DNAJC13: variants seen among roughly 807,000 people sequenced by gnomAD.
The protein encoded by DNAJC13 is DnaJ heat shock protein family (Hsp40) member C13.
Under a neutral mutation model 290.5 loss-of-function variants are expected in DNAJC13, and 75 were observed. That is an observed-to-expected ratio of 0.26 (90% confidence interval 0.21 to 0.31). DNAJC13 has a LOEUF of 0.31. Ranked by LOEUF, DNAJC13 falls within the 10% of genes least tolerant of loss-of-function variation. The pLI, the probability that DNAJC13 is intolerant of heterozygous loss-of-function variation, is 1.00. For synonymous variants in DNAJC13, 862 were observed against 892.0 expected, an observed-to-expected ratio of 0.97 and a Z score of 0.60; for missense variants, 2,260 against 2,674.5, an observed-to-expected ratio of 0.85 and a Z score of 3.42.
At chr3:132,437,208 G>A (rs796524610) in intron 2 of DNAJC13, among the ~76,000 whole-genome samples, 40 of 152,144 alleles carry the variant, frequency 2.6e-4, no homozygotes, top group African/African-American at 9.4e-4. Flanking sequence ...AAATTAGGTT[G>A]TCTTATTACT....
intron 1 of DNAJC13, among the ~76,000 whole-genome samples, chr3:132,425,587 A>T (rs772646581): frequency 1.3e-5 from 2 of 152,186 alleles, no homozygotes; most frequent in Non-Finnish European, 2.9e-5. Flanking sequence ...TAATGAAAGT[A>T]AGTTCCGTTC....
chr3:132,500,986 G>A lies in DNAJC13; in HGVS notation c.4536+73G>A, dbSNP rs1935390266. 7 of 1,510,764 alleles carry A rather than the reference G, an allele frequency of 4.6e-6. No homozygotes were observed. In the East Asian group the frequency reaches 1.6e-4, roughly 35 times the overall value. The allele number at this position is 1,510,764 out of a possible 1,614,324, so 93.6% of individuals were successfully genotyped here. A position where few individuals can be genotyped will look rare whatever the true frequency, so the allele number is the denominator to read the frequency against. On this transcript the variant is annotated intron_variant, in intron 39 of 55. Coordinates refer to ENST00000260818, the MANE Select transcript of DNAJC13 (RefSeq NM_015268.4). The stretch of plus-strand genomic sequence containing the variant: ...TTTTGTCAACTAGCCAGTTCCTAAT[G>A]TATAAGCACATTGTTTTCCCAAAGT...
At chr3:132,463,326 C>A (rs1166195758) in intron 16 of DNAJC13, among the ~76,000 whole-genome samples, 1 of 152,330 alleles carries the variant, frequency 6.6e-6, no homozygotes, top group Admixed American at 6.5e-5. Flanking sequence ...CTCCCTTTAG[C>A]TAATGGGTTC....
chr3:132,446,127 G>GT (rs1345459567), intron 2 of DNAJC13, among the ~76,000 whole-genome samples: 1,800 of 143,260 alleles, frequency 0.013, 23 homozygotes, highest in African/African-American at 0.04. Flanking sequence ...GGTATGCAGT[G>GT]TTTTTTTTTT....
intron 22 of DNAJC13, among the ~76,000 whole-genome samples, chr3:132,476,051 C>G (rs140098085): frequency 2.6e-5 from 4 of 152,156 alleles, no homozygotes; most frequent in Admixed American, 1.3e-4. Flanking sequence ...CTTCCACCTT[C>G]GCCTCCCCAG....
rs755468021 is a variant in DNAJC13, at chr3:132,507,285, G to A, written c.5047G>A (p.Ala1683Thr). Residue 1683 changes from alanine (A) to threonine (T), a missense_variant, in exon 43 of 56, where the codon GCC (alanine) becomes ACC (threonine). Around this residue, in one of 3 missense-constraint regions of DNAJC13, gnomAD observed 1,494 missense variants for 1,693.7 expected, o/e 0.88. Transcript: ENST00000260818. ...YGSEFVYSDHAKELIVGEIFV... is the reference protein window; with the variant it reads ...YGSEFVYSDHTKELIVGEIFV... Reference sequence around the variant, plus strand: ...ATCAGAATTTGTCTACAGTGATCATGCCAAAGAACTTATTGTAGGGGAGAT... The same window carrying A: ...ATCAGAATTTGTCTACAGTGATCATACCAAAGAACTTATTGTAGGGGAGAT... The A allele has an allele frequency of 6.2e-7, 1 of 1,613,574 alleles. No individual in the cohort carries two copies. Among genetic ancestry groups the A allele is most frequent in the Non-Finnish European group, 8.5e-7 (1 of 1,179,616 alleles).
intron 6 of DNAJC13, among the ~76,000 whole-genome samples, chr3:132,452,437 G>A (rs1168433188): frequency 6.6e-6 from 1 of 152,210 alleles, no homozygotes; most frequent in Non-Finnish European, 1.5e-5. Flanking sequence ...ATGTGATCCA[G>A]TGTTTCTCAG....
intron 41 of DNAJC13, 108 bp from the exon 42 acceptor site, chr3:132,505,190 TATAC>T: frequency 3.1e-6 from 2 of 654,550 alleles, no homozygotes; most frequent in African/African-American, 1.9e-5. Context: ...TGAGGTCCAT[TATAC>T]TATAGGCAAC....
At chr3:132,510,109 C>T (rs1320159977) in intron 43 of DNAJC13, among the ~76,000 whole-genome samples, 3 of 152,158 alleles carry the variant, frequency 2.0e-5, no homozygotes, top group East Asian at 1.9e-4. Flanking sequence ...CTACTGCTAT[C>T]CCACTGGGCC....
Position 132,456,315 on chromosome 3 carries a change from A to G in DNAJC13, c.1013A>G (p.His338Arg), listed in dbSNP as rs201245751. The G allele has an allele frequency of 2.5e-6, 4 of 1,614,016 alleles. No individual in the cohort carries two copies. Among genetic ancestry groups the G allele is most frequent in the African/African-American group, 2.7e-5 (2 of 75,048 alleles). Residue 338 changes from histidine (H) to arginine (R), a missense_variant, in exon 10 of 56, where the codon CAT becomes CGT. His to Arg is a conservative substitution (Grantham distance 29). This residue lies in a region of DNAJC13 where 762 missense variants were observed against 964.1 expected (regional missense o/e 0.79). Coordinates refer to ENST00000260818, the MANE Select transcript of DNAJC13 (RefSeq NM_015268.4). ...RDVCVKMTPT[H>R]KGQRWGLLSM... The stretch of plus-strand genomic sequence containing the variant: ...GTTTGTGTAAAAATGACACCAACCC[A>G]TAAAGGTCAGCGATGGGGGTTACTC...
intron 27 of DNAJC13, among the ~76,000 whole-genome samples, 182 bp from the exon 28 acceptor site, chr3:132,483,193 T>C (rs534475595): frequency 6.6e-6 from 1 of 151,062 alleles, no homozygotes; most frequent in Non-Finnish European, 1.5e-5. Context: ...GGTTTTTTGG[T>C]TTTTTTTTGT....
chr3:132,520,242 G>A (rs1936049703), intron 48 of DNAJC13, among the ~76,000 whole-genome samples: 1 of 152,178 alleles, frequency 6.6e-6, no homozygotes, highest in Admixed American at 6.5e-5. Context: ...GCCATGGACA[G>A]TAAATGAACA....
At chr3:132,460,977 C>A (rs1933777974) in intron 14 of DNAJC13, 73 bp from the exon 15 acceptor site, 4 of 1,378,768 alleles carry the variant, frequency 2.9e-6, no homozygotes, top group Non-Finnish European at 4.0e-6. Flanking sequence ...CAGAAAGGAA[C>A]ACATTATTGT....
At chr3:132,515,296 G>C (rs1400427548) in intron 46 of DNAJC13, among the ~76,000 whole-genome samples, 1 of 152,140 alleles carries the variant, frequency 6.6e-6, no homozygotes, top group Non-Finnish European at 1.5e-5. Context: ...AGTTGGCTTT[G>C]CCAATCCCTT....
chr3:132,498,704 G>GTTTTA (rs1008058180), intron 36 of DNAJC13, among the ~76,000 whole-genome samples: 30 of 151,560 alleles, frequency 2.0e-4, no homozygotes, highest in African/African-American at 7.3e-4. Flanking sequence ...TTTTTTTTAC[G>GTTTTA]TTTTATTTTA....
At chr3:132,529,539 G>C (rs958040786) in intron 54 of DNAJC13, among the ~76,000 whole-genome samples, 1 of 152,174 alleles carries the variant, frequency 6.6e-6, no homozygotes, top group African/African-American at 2.4e-5. Flanking sequence ...TGTAATCCCA[G>C]CACTTTGGGA....
At chr3:132,463,503 T>G (rs1249536656) in intron 16 of DNAJC13, among the ~76,000 whole-genome samples, 193 bp from the exon 17 acceptor site, 2 of 152,200 alleles carry the variant, frequency 1.3e-5, no homozygotes, top group African/African-American at 4.8e-5. Context: ...ATCTCAACCT[T>G]ATTCCAAAGG....
chr3:132,495,502 C>T (rs913314552), intron 35 of DNAJC13, among the ~76,000 whole-genome samples: 2 of 152,058 alleles, frequency 1.3e-5, no homozygotes, highest in Non-Finnish European at 2.9e-5. Context: ...TAGGTGATAC[C>T]ATTGCTATTC....
intron 2 of DNAJC13, among the ~76,000 whole-genome samples, chr3:132,436,687 T>TA (rs1335782098): frequency 6.6e-6 from 1 of 152,152 alleles, no homozygotes; most frequent in African/African-American, 2.4e-5. Context: ...TATCAACACT[T>TA]ATTGTCTTTT....
Sources: allele counts gnomAD v4.1 joint callset (sites outside exome capture counted in the v4.1 genomes callset), GRCh38; gene constraint gnomAD v4.1.1; regional missense constraint gnomAD v4.1.1; transcripts MANE v1.5; gene names NCBI Gene and HGNC (gene_info 2026-07-23, HGNC 2026-07-21).